MLLT3: variants seen among roughly 807,000 people sequenced by gnomAD.
MLLT3 encodes the protein protein AF-9.
Under a neutral mutation model 53.2 loss-of-function variants are expected in MLLT3, and 4 were observed. That is an observed-to-expected ratio of 0.08 (90% CI 0.04 to 0.17). The LOEUF (loss-of-function observed/expected upper bound fraction) is 0.17, where lower values mean the gene tolerates loss of function less well. Ranked by LOEUF, MLLT3 falls within the 10% of genes least tolerant of loss-of-function variation. The pLI is 1.00. For missense variants in MLLT3, 569 were observed against 684.0 expected, an observed-to-expected ratio of 0.83 and a Z score of 1.87; for synonymous variants, 283 against 230.6, an observed-to-expected ratio of 1.23 and a Z score of -2.06.
Position 20,588,483 on chromosome 9 carries a change from G to A in MLLT3, c.193+32171C>T, listed in dbSNP as rs1354401953. 5.3e-5 allele frequency among the ~76,000 whole-genome samples: 8 copies of A among 152,318 alleles called. No homozygotes were observed. In the South Asian group the frequency reaches 6.2e-4, roughly 12 times the overall value. On this transcript the variant is annotated intron_variant, in intron 2 of 10. Transcript: ENST00000380338. ...TTCTTCCTACCCATGAGCATGGAAC[G>A]TTCTTCGATTTGTTTGTAACCCCTT...
chr9:20,496,375 G>C (rs768176404), intron 2 of MLLT3, among the ~76,000 whole-genome samples: 1 of 151,988 alleles, frequency 6.6e-6, no homozygotes, highest in Non-Finnish European at 1.5e-5. Context: ...TGTTTATATT[G>C]TAATCAGCCC....
At chr9:20,605,147 G>C (rs1820528998) in intron 2 of MLLT3, among the ~76,000 whole-genome samples, 2 of 152,080 alleles carry the variant, frequency 1.3e-5, no homozygotes, top group South Asian at 4.1e-4. Flanking sequence ...TTTTATAGAA[G>C]ACCTAAAACA....
chr9:20,411,613 A>G (rs1822730080), intron 5 of MLLT3, among the ~76,000 whole-genome samples: 1 of 152,200 alleles, frequency 6.6e-6, no homozygotes, highest in South Asian at 2.1e-4. Flanking sequence ...TGGCTCTAAT[A>G]TGTCATATAC....
chr9:20,616,356 A>T (rs1221728309), intron 2 of MLLT3, among the ~76,000 whole-genome samples: 1 of 152,186 alleles, frequency 6.6e-6, no homozygotes, highest in East Asian at 1.9e-4. Flanking sequence ...TCACTTTTAG[A>T]TCTTTAACTT....
At chr9:20,591,142 T>C (rs2131186422) in intron 2 of MLLT3, among the ~76,000 whole-genome samples, 1 of 152,310 alleles carries the variant, frequency 6.6e-6, no homozygotes, top group Middle Eastern at 3.4e-3. Flanking sequence ...GCATTCTGAA[T>C]TTATTGGACC....
chr9:20,566,016 A>T (rs865776987), intron 2 of MLLT3, among the ~76,000 whole-genome samples: 17 of 127,724 alleles, frequency 1.3e-4, no homozygotes, highest in South Asian at 2.3e-4. Context: ...ATATATTTTT[A>T]TATATATTTA....
intron 4 of MLLT3, among the ~76,000 whole-genome samples, chr9:20,419,199 T>A (rs1006040841): frequency 1.3e-5 from 2 of 152,162 alleles, no homozygotes; most frequent in Admixed American, 1.3e-4. Flanking sequence ...AAAAAATGTT[T>A]AATTAAAAAC....
chr9:20,621,972 G>A lies in MLLT3; in HGVS notation c.12+273C>T. 1 of 1,398,764 alleles carries A rather than the reference G, an allele frequency of 7.1e-7. No homozygotes were observed. 86.6% of individuals were successfully genotyped at this position (1,398,764 alleles called of 1,614,324 possible). A position where few individuals can be genotyped will look rare whatever the true frequency, so the allele number is the denominator to read the frequency against. ...GTGTGTGAGTGCGCTTCTTGTGACTGCAAAGAGGCGAGGAGGGAGGGAGGC... is the reference window on the plus strand; with the variant it reads ...GTGTGTGAGTGCGCTTCTTGTGACTACAAAGAGGCGAGGAGGGAGGGAGGC... On this transcript the variant is annotated intron_variant, in intron 1 of 10. Coordinates refer to ENST00000380338, the MANE Select transcript of MLLT3 (RefSeq NM_004529.4). This position sits in a 1 kb window ranked among gnomAD's most constrained non-coding sequence, Gnocchi z 7.0.
chr9:20,583,734 C>T (rs978690926), intron 2 of MLLT3, among the ~76,000 whole-genome samples: 6 of 152,168 alleles, frequency 3.9e-5, no homozygotes, highest in African/African-American at 1.4e-4. Flanking sequence ...AGCTGGGACA[C>T]AGGACACCAA....
chr9:20,516,136 T>C (rs1341857175), intron 2 of MLLT3, among the ~76,000 whole-genome samples: 1 of 152,134 alleles, frequency 6.6e-6, no homozygotes, highest in African/African-American at 2.4e-5. Flanking sequence ...CTGCCTCAGA[T>C]ATCTCCTGAC....
At chr9:20,473,737 A>G (rs1182114066) in intron 2 of MLLT3, among the ~76,000 whole-genome samples, 1 of 152,118 alleles carries the variant, frequency 6.6e-6, no homozygotes, top group Admixed American at 6.6e-5. Context: ...AAAGCAAAAG[A>G]CAACAAAAAA....
intron 2 of MLLT3, among the ~76,000 whole-genome samples, chr9:20,573,889 G>C (rs1454263726): frequency 6.6e-6 from 1 of 152,180 alleles, no homozygotes; most frequent in Non-Finnish European, 1.5e-5. Flanking sequence ...GTACAAGACA[G>C]ATCAAGTTAC....
At chr9:20,419,868 G>T (rs1170180970) in intron 4 of MLLT3, among the ~76,000 whole-genome samples, 1 of 152,050 alleles carries the variant, frequency 6.6e-6, no homozygotes, top group African/African-American at 2.4e-5. Flanking sequence ...GGGGTAAAAT[G>T]TATCTTGCAC....
chr9:20,527,402 G>A (rs146154729), intron 2 of MLLT3, among the ~76,000 whole-genome samples: 1 of 152,218 alleles, frequency 6.6e-6, no homozygotes, highest in African/African-American at 2.4e-5. Flanking sequence ...AAAATAGGTT[G>A]GATAAAAATG....
rs1016368093 is a variant in MLLT3 at position 20,621,538 on chromosome 9, G to A, written c.13-704C>T. Among the ~76,000 whole-genome samples the A allele has an allele frequency of 6.6e-6, 1 of 151,702 alleles. No homozygotes were observed. Among genetic ancestry groups the A allele is most frequent in the African/African-American group, 2.4e-5 (1 of 41,258 alleles). ...CCCAGCGAAAAGCCCCACGCGATCG[G>A]CGAGGCCAGTCGAACCGAGCCCCCG... On this transcript the variant is annotated intron_variant, in intron 1 of 10. Coordinates refer to ENST00000380338, the MANE Select transcript of MLLT3 (RefSeq NM_004529.4). This position sits in a 1 kb window ranked among gnomAD's most constrained non-coding sequence, Gnocchi z 7.0.
chr9:20,575,902 G>GT (rs1819641059), intron 2 of MLLT3, among the ~76,000 whole-genome samples: 3 of 152,200 alleles, frequency 2.0e-5, no homozygotes, highest in Admixed American at 2.0e-4. Flanking sequence ...AAGTAAGTCT[G>GT]TCCTTTCAAG....
chr9:20,347,334 G>C (rs1820902501), intron 10 of MLLT3, among the ~76,000 whole-genome samples: 1 of 152,066 alleles, frequency 6.6e-6, no homozygotes, highest in South Asian at 2.1e-4. Flanking sequence ...TGAATATTTT[G>C]GGGAGATTTT....
At chr9:20,557,115 C>G (rs2131148210) in intron 2 of MLLT3, among the ~76,000 whole-genome samples, 1 of 152,206 alleles carries the variant, frequency 6.6e-6, no homozygotes, top group East Asian at 1.9e-4. Flanking sequence ...CCTCCACAAG[C>G]TTTGCACTTT....
chr9:20,523,814 T>C (rs1439667798), intron 2 of MLLT3, among the ~76,000 whole-genome samples: 1 of 151,814 alleles, frequency 6.6e-6, no homozygotes, highest in Non-Finnish European at 1.5e-5. Flanking sequence ...ACAAAAAAAA[T>C]ACAAAAATTT....
Sources: gnomAD v4.1 joint callset for allele counts (sites outside exome capture counted in the v4.1 genomes callset) on GRCh38, gnomAD v4.1.1 for gene constraint, Gnocchi (gnomAD v3.1) non-coding constraint, MANE v1.5 for transcripts, NCBI Gene and HGNC (gene_info 2026-07-23, HGNC 2026-07-21) for gene names.